The following IQCK variants were observed in gnomAD, a reference collection of about 807,000 sequenced individuals.
The protein encoded by IQCK is IQ motif containing K, also known as IQ domain-containing protein K.
IQCK carries 29 observed loss-of-function variants against 28.1 expected under a neutral mutation model. The ratio of observed to expected loss-of-function variants is 1.03; its 90% CI spans 0.77 to 1.41. The LOEUF is 1.41. Ranked by LOEUF, IQCK falls within the 40% of genes most tolerant of loss-of-function variation. IQCK has a pLI of 0.00. For synonymous variants in IQCK, 113 were observed against 115.1 expected (o/e 0.98, Z 0.12); for missense variants, 359 against 314.7 (o/e 1.14, Z -1.07).
downstream of IQCK, among the ~76,000 whole-genome samples, chr16:19,831,395 C>T (rs929405224): frequency 6.6e-6 from 1 of 152,316 alleles, no homozygotes; most frequent in Admixed American, 6.5e-5. Flanking sequence ...AGCAGAACTT[C>T]TTGTTCCCTT....
intron 6 of IQCK, among the ~76,000 whole-genome samples, chr16:19,783,196 A>G (rs2055514743): frequency 6.6e-6 from 1 of 151,956 alleles, no homozygotes; most frequent in South Asian, 2.1e-4. Context: ...ATGAAGTTTC[A>G]CCATATTGGC....
At chr16:19,818,042 C>T (rs1156359594) in intron 7 of IQCK, among the ~76,000 whole-genome samples, 1 of 149,146 alleles carries the variant, frequency 6.7e-6, no homozygotes, top group African/African-American at 2.6e-5. Flanking sequence ...GTGCTTAGAT[C>T]CCGATAAACA....
chr16:19,819,944 T>C (rs1289194746), intron 7 of IQCK, among the ~76,000 whole-genome samples: 1 of 151,848 alleles, frequency 6.6e-6, no homozygotes, highest in African/African-American at 2.4e-5. Context: ...CATACCTCTG[T>C]GGTCAATTGA....
intron 3 of IQCK, among the ~76,000 whole-genome samples, chr16:19,735,010 C>T (rs1435970562): frequency 2.0e-5 from 3 of 151,990 alleles, no homozygotes; most frequent in Non-Finnish European, 4.4e-5. Flanking sequence ...TACTCTGACT[C>T]CCAATTCCTC....
At chr16:19,727,779 A>G (rs189621622) in intron 1 of IQCK, among the ~76,000 whole-genome samples, 1 of 152,228 alleles carries the variant, frequency 6.6e-6, no homozygotes, top group East Asian at 1.9e-4. Flanking sequence ...TTTAAACCCA[A>G]ATAAACAATT....
At chr16:19,824,385 G>T (rs2056116187) in intron 7 of IQCK, among the ~76,000 whole-genome samples, 2 of 152,312 alleles carry the variant, frequency 1.3e-5, no homozygotes, top group Admixed American at 6.5e-5. Context: ...GGTAATGTGA[G>T]CGATAGGGAG....
intron 9 of IQCK, among the ~76,000 whole-genome samples, chr16:19,836,044 A>G (rs11644759): frequency 0.25 from 38,474 of 152,174 alleles, 5,288 homozygotes; most frequent in African/African-American, 0.35. Context: ...CTTTTGATGG[A>G]TGATGTCATC....
rs750870961 is a variant in IQCK at position 19,764,856 on chromosome 16, A to AT, written c.605+760dup. 9.2e-3 allele frequency among the ~76,000 whole-genome samples: 1,233 copies of AT among 133,606 alleles called. 8 individuals are homozygous for AT. The highest frequency in any genetic ancestry group is 0.018 in the African/African-American group (645 of 36,400). 87.7% of individuals were successfully genotyped at this position (133,606 alleles called of 152,430 possible). A position where few individuals can be genotyped will look rare whatever the true frequency, so the allele number is the denominator to read the frequency against. ...AGGTGCCTGCCACCACACCTGGCTAATTTTTTTTTTTTTTTTGTATTTTTA... is the reference window on the plus strand; with the variant it reads ...AGGTGCCTGCCACCACACCTGGCTAATTTTTTTTTTTTTTTTTGTATTTTTA... On this transcript the variant is annotated intron_variant, in intron 6 of 7. Coordinates refer to ENST00000564186, the Ensembl canonical transcript of IQCK.
chr16:19,763,798 C>A, intron 4 of IQCK, 50 bp from the exon 5 acceptor site: 1 of 1,385,970 alleles, frequency 7.2e-7, no homozygotes, highest in Non-Finnish European at 1.0e-6. Context: ...CAGTTCAAAT[C>A]CATAGTGTTT....
intron 4 of IQCK, among the ~76,000 whole-genome samples, chr16:19,748,901 A>T (rs1393096256): frequency 6.6e-6 from 1 of 152,216 alleles, no homozygotes; most frequent in Admixed American, 6.5e-5. Flanking sequence ...GAAAAAAACA[A>T]AACAAAACAA....
chr16:19,855,714 G>T (rs930747310), intron 9 of IQCK, among the ~76,000 whole-genome samples: 2 of 152,170 alleles, frequency 1.3e-5, no homozygotes, highest in Non-Finnish European at 2.9e-5. Context: ...GCCCTACATA[G>T]TAACAAGCTC....
At chr16:19,815,255 A>G (rs1351767158) in intron 7 of IQCK, among the ~76,000 whole-genome samples, 1 of 152,202 alleles carries the variant, frequency 6.6e-6, no homozygotes, top group Non-Finnish European at 1.5e-5. Flanking sequence ...CCTCCCTGAA[A>G]GCCCCAAGTA....
At chr16:19,785,641 C>G (rs930938541) in intron 6 of IQCK, among the ~76,000 whole-genome samples, 2 of 152,090 alleles carry the variant, frequency 1.3e-5, no homozygotes, top group African/African-American at 4.8e-5. Flanking sequence ...GTTTGCATAA[C>G]TTTATAACTT....
chr16:19,723,704 A>G (rs1977566946), intron 1 of IQCK, among the ~76,000 whole-genome samples: 1 of 152,142 alleles, frequency 6.6e-6, no homozygotes, highest in South Asian at 2.1e-4. Context: ...CTGTAATCCT[A>G]GCACATTAGG....
downstream of IQCK, among the ~76,000 whole-genome samples, chr16:19,828,481 G>A (rs1345525887): frequency 6.9e-6 from 1 of 144,138 alleles, no homozygotes; most frequent in East Asian, 2.2e-4. Flanking sequence ...CAGGTGATCT[G>A]CCCGCCTTGG....
chr16:19,805,169 C>CAGGG (rs1264334925), intron 7 of IQCK, among the ~76,000 whole-genome samples: 1 of 152,136 alleles, frequency 6.6e-6, no homozygotes, highest in Non-Finnish European at 1.5e-5. Context: ...CGTTCTCAGG[C>CAGGG]AGGGGTTGGT....
intron 7 of IQCK, among the ~76,000 whole-genome samples, chr16:19,826,678 A>G (rs1015019921): frequency 1.3e-5 from 2 of 152,042 alleles, no homozygotes; most frequent in Non-Finnish European, 2.9e-5. Context: ...GTGCCTGGCC[A>G]AGTGAAATAT....
chr16:19,767,572 C>T (rs899012849), intron 6 of IQCK, among the ~76,000 whole-genome samples: 1 of 152,076 alleles, frequency 6.6e-6, no homozygotes, highest in Admixed American at 6.6e-5. Context: ...TCTCCGTGAG[C>T]AGCTGCTTGT....
At chr16:19,781,193 C>T (rs62025018) in intron 6 of IQCK, among the ~76,000 whole-genome samples, 22,748 of 152,102 alleles carry the variant, frequency 0.15, 1,926 homozygotes, top group South Asian at 0.26. Flanking sequence ...GTTACAAAGA[C>T]GTTAAATAAT....
Sources: allele counts gnomAD v4.1 joint callset (sites outside exome capture counted in the v4.1 genomes callset), GRCh38; gene constraint gnomAD v4.1.1; transcripts MANE v1.5; gene names NCBI Gene and HGNC (gene_info 2026-07-23, HGNC 2026-07-21).